FOXP1: variants seen among roughly 807,000 people sequenced by gnomAD.
FOXP1 encodes the protein forkhead box P1.
In FOXP1, 15 loss-of-function variants were observed where a neutral mutation model predicts 98.2. That is an observed-to-expected ratio of 0.15 (90% CI 0.10 to 0.24). The LOEUF (loss-of-function observed/expected upper bound fraction) is 0.24. Among genes scored for constraint, FOXP1 ranks in the 10% least tolerant of loss-of-function variants. The pLI, the probability that FOXP1 is intolerant of heterozygous loss-of-function variation, is 1.00. For synonymous variants in FOXP1, 371 were observed against 314.5 expected, an observed-to-expected ratio of 1.18 and a Z score of -1.90; for missense variants, 633 against 848.5, an observed-to-expected ratio of 0.75 and a Z score of 3.15.
intron 4 of FOXP1, among the ~76,000 whole-genome samples, chr3:71,350,305 C>G (rs748759359): frequency 6.6e-6 from 1 of 152,164 alleles, no homozygotes. Flanking sequence ...CCCTTGGCTA[C>G]TTGGCAACTC....
chr3:71,145,937 T>C (rs2060288610), intron 6 of FOXP1, among the ~76,000 whole-genome samples: 1 of 152,208 alleles, frequency 6.6e-6, no homozygotes, highest in African/African-American at 2.4e-5. Flanking sequence ...TTACAGTCAG[T>C]AGCTTGTCTT....
intron 2 of FOXP1, among the ~76,000 whole-genome samples, chr3:71,513,187 T>C (rs1488341507): frequency 6.6e-6 from 1 of 152,072 alleles, no homozygotes; most frequent in Non-Finnish European, 1.5e-5. Context: ...CAGAACTTGA[T>C]TTACCCTCTC....
At chr3:70,970,463 G>GAAAT (rs941477973) in intron 19 of FOXP1, 9 of 459,850 alleles carry the variant, frequency 2.0e-5, no homozygotes, top group Non-Finnish European at 2.8e-5. Context: ...GTGAAATTCT[G>GAAAT]AAATAAGAGG....
At chr3:71,143,296 T>G (rs758681210) in intron 6 of FOXP1, among the ~76,000 whole-genome samples, 3 of 152,224 alleles carry the variant, frequency 2.0e-5, no homozygotes, top group Non-Finnish European at 1.5e-5. Flanking sequence ...AGAAGAAGCA[T>G]TTTAAGCTAT....
chr3:71,117,953 A>G (rs892496731), intron 6 of FOXP1, among the ~76,000 whole-genome samples: 15 of 152,224 alleles, frequency 9.9e-5, no homozygotes, highest in Admixed American at 2.0e-4. Flanking sequence ...TTCAAGCTAA[A>G]ATAAGTGGCT....
At chr3:71,252,976 C>G (rs1218758735) in intron 5 of FOXP1, among the ~76,000 whole-genome samples, 3 of 152,174 alleles carry the variant, frequency 2.0e-5, no homozygotes, top group African/African-American at 7.2e-5. Context: ...CCAGATGCTG[C>G]CTGAGACAGA....
intron 4 of FOXP1, among the ~76,000 whole-genome samples, chr3:71,303,889 A>T (rs77446391): frequency 0.026 from 3,913 of 152,268 alleles, 169 homozygotes; most frequent in African/African-American, 0.087. Flanking sequence ...AAAGGAAGGA[A>T]GAAGCTGCTG....
rs772816590 is a variant in FOXP1, at chr3:70,965,891, C to T, written c.1888G>A (p.Val630Met). 1.8e-5 allele frequency: 29 copies of T among 1,613,714 alleles called. No individual in the cohort carries two copies. The highest frequency in any genetic ancestry group is 1.7e-4 in the Middle Eastern group (1 of 5,864). ...ACCTGTTGGGTGGACAATACTCACA[C>T]GGCTTGCATAGGAGATCTGCCTGGA... is the stretch of plus-strand genomic sequence containing the variant. ...SSPGRSPMQAVHPVHVKEEPL... is the reference protein window; with the variant it reads ...SSPGRSPMQAMHPVHVKEEPL... The change falls in exon 20 of 21, where the codon GTG becomes ATG. Residue 630 changes from valine (V) to methionine (M), a missense_variant and splice_region_variant. This residue lies in a region of FOXP1 where 150 missense variants were observed against 163.7 expected (regional missense o/e 0.92). Transcript: ENST00000649528.
At chr3:71,402,346 T>C (rs995771906) in intron 3 of FOXP1, among the ~76,000 whole-genome samples, 1 of 152,044 alleles carries the variant, frequency 6.6e-6, no homozygotes, top group South Asian at 2.1e-4. Flanking sequence ...TCCCAGCTAC[T>C]TGGGGGGCTG....
intron 4 of FOXP1, among the ~76,000 whole-genome samples, chr3:71,311,803 G>A (rs139893906): frequency 1.5e-4 from 23 of 152,228 alleles, no homozygotes; most frequent in African/African-American, 5.5e-4. Flanking sequence ...TTACCTTTTG[G>A]CCACCACCAA....
At position 71,056,331 on chromosome 3, in the gene FOXP1, C is replaced by A. The variant is rs191603384; in HGVS notation, c.283-2558G>T. Among the ~76,000 whole-genome samples, 40 of 152,242 alleles carry A rather than the reference C, an allele frequency of 2.6e-4. 1 individual carries two copies. The East Asian group carries it at 5.8e-3, about 22-fold the overall frequency. ...GAATCATGGAAAGGACTGACATATA[C>A]CTGTACAGACAATTTTTAAAGGCTG... On this transcript the variant is annotated intron_variant, in intron 7 of 20. Coordinates refer to ENST00000649528, the MANE Select transcript of FOXP1 (RefSeq NM_001349338.3).
chr3:71,097,892 G>A (rs748970343), intron 7 of FOXP1, among the ~76,000 whole-genome samples: 4 of 152,070 alleles, frequency 2.6e-5, no homozygotes, highest in Non-Finnish European at 4.4e-5. Flanking sequence ...TTTATCTTCT[G>A]GAAATGCTTG....
Position 71,530,022 on chromosome 3 carries a change from A to C in FOXP1, c.-297-36467T>G, listed in dbSNP as rs370457667. 3.8e-4 allele frequency among the ~76,000 whole-genome samples: 58 copies of C among 152,222 alleles called. 1 individual carries two copies. Among genetic ancestry groups the C allele is most frequent in the African/African-American group, 1.3e-3 (52 of 41,516 alleles). ...AAGCAGGGGCAGTCTAGTGGGGCCG[A>C]GCCCTTAACCTGTGGGATCTGATGC... On this transcript the variant is annotated intron_variant, in intron 2 of 20. Coordinates refer to ENST00000649528, the MANE Select transcript of FOXP1 (RefSeq NM_001349338.3).
At chr3:71,166,004 A>T (rs985871978) in intron 6 of FOXP1, among the ~76,000 whole-genome samples, 1 of 152,236 alleles carries the variant, frequency 6.6e-6, no homozygotes, top group Non-Finnish European at 1.5e-5. Flanking sequence ...GACATTAAGA[A>T]AACAAGTTCC....
intron 12 of FOXP1, among the ~76,000 whole-genome samples, chr3:71,014,891 A>C (rs2044213136): frequency 6.6e-6 from 1 of 152,108 alleles, no homozygotes; most frequent in South Asian, 2.1e-4. Context: ...TATCGCAAGG[A>C]CAGAAAACCA....
At chr3:71,513,658 A>C (rs1274643207) in intron 2 of FOXP1, among the ~76,000 whole-genome samples, 3 of 152,172 alleles carry the variant, frequency 2.0e-5, no homozygotes, top group African/African-American at 7.2e-5. Context: ...CAAGGTGTGA[A>C]AGTTCATGAT....
intron 5 of FOXP1, among the ~76,000 whole-genome samples, chr3:71,269,842 C>T (rs2280518): frequency 0.18 from 27,340 of 152,030 alleles, 3,678 homozygotes; most frequent in East Asian, 0.46. Flanking sequence ...TTGTTTTTGC[C>T]CACTGATATC....
chr3:71,393,939 C>A (rs1443792754), intron 3 of FOXP1, among the ~76,000 whole-genome samples: 1 of 152,176 alleles, frequency 6.6e-6, no homozygotes, highest in Non-Finnish European at 1.5e-5. Flanking sequence ...AAGTGATCCT[C>A]CAGCCTCGGC....
At chr3:71,036,520 C>CA in intron 11 of FOXP1, among the ~76,000 whole-genome samples, 1 of 151,792 alleles carries the variant, frequency 6.6e-6, no homozygotes, top group Non-Finnish European at 1.5e-5. Context: ...GAACTGAAAG[C>CA]AAAAAAGCTG....
Sources: gnomAD v4.1 joint callset for allele counts (sites outside exome capture counted in the v4.1 genomes callset) on GRCh38, gnomAD v4.1.1 for gene constraint, gnomAD v4.1.1 regional missense constraint, MANE v1.5 for transcripts, NCBI Gene and HGNC (gene_info 2026-07-23, HGNC 2026-07-21) for gene names.